ADARB2: variants seen among roughly 807,000 people sequenced by gnomAD.
ADARB2 encodes the protein inactive double-stranded RNA-specific editase B2.
In ADARB2, 25 loss-of-function variants were observed where a neutral mutation model predicts 62.2. The ratio of observed to expected loss-of-function variants is 0.40; its 90% confidence interval spans 0.29 to 0.56. The LOEUF is 0.56. Among genes scored for constraint, ADARB2 ranks in the 20% least tolerant of loss-of-function variants. ADARB2 has a pLI of 0.43. For synonymous variants in ADARB2, 572 were observed against 500.8 expected, an observed-to-expected ratio of 1.14 and a Z score of -1.90; for missense variants, 1,071 against 1,077.4, an observed-to-expected ratio of 0.99 and a Z score of 0.08.
chr10:1,643,823 C>T (rs1276226371), intron 1 of ADARB2, among the ~76,000 whole-genome samples: 2 of 152,136 alleles, frequency 1.3e-5, no homozygotes, highest in Non-Finnish European at 2.9e-5. Flanking sequence ...TCTCTAATTC[C>T]AATCCTGAGA....
intron 1 of ADARB2, among the ~76,000 whole-genome samples, chr10:1,667,485 A>C (rs759767200): frequency 3.9e-5 from 6 of 152,254 alleles, no homozygotes; most frequent in African/African-American, 1.2e-4. Context: ...AGATCATACC[A>C]GGAAGATAAA....
At chr10:1,373,272 T>C (rs1832388919) in intron 2 of ADARB2, among the ~76,000 whole-genome samples, 1 of 150,498 alleles carries the variant, frequency 6.6e-6, no homozygotes, top group Non-Finnish European at 1.5e-5. Flanking sequence ...GGTCTTTGTC[T>C]CACTGTGTCT....
intron 4 of ADARB2, among the ~76,000 whole-genome samples, chr10:1,265,751 G>T (rs1831191313): frequency 6.1e-5 from 9 of 147,676 alleles, no homozygotes; most frequent in African/African-American, 2.3e-4. Flanking sequence ...CTGAGAGGGG[G>T]GCCCAGGCTC....
chr10:1,630,087 TTA>T (rs1833823138), intron 1 of ADARB2, among the ~76,000 whole-genome samples: 1 of 152,100 alleles, frequency 6.6e-6, no homozygotes, highest in African/African-American at 2.4e-5. Context: ...TGCAGTTGAT[TTA>T]TGAGATAACC....
chr10:1,183,157 C>T lies in ADARB2; in HGVS notation c.*36G>A, dbSNP rs17156072. 1,347 of 1,601,692 alleles carry T rather than the reference C, an allele frequency of 8.4e-4. 12 individuals carry two copies. In the African/African-American group the frequency reaches 0.011, roughly 13 times the overall value. On this transcript the variant is annotated 3_prime_UTR_variant, in exon 10 of 10. Coordinates refer to ENST00000381312, the MANE Select transcript of ADARB2 (RefSeq NM_018702.4). ...CCCAGACACGGTCCCATCCCTCCAG[C>T]GTCCCGCTCAGCTCCAGCAGCCAGG... is the stretch of plus-strand genomic sequence containing the variant.
At chr10:1,525,269 T>G (rs1286859396) in intron 1 of ADARB2, among the ~76,000 whole-genome samples, 1 of 152,222 alleles carries the variant, frequency 6.6e-6, no homozygotes, top group Non-Finnish European at 1.5e-5. Context: ...ATTTCTTTCC[T>G]GGAAAACTGG....
intron 1 of ADARB2, among the ~76,000 whole-genome samples, chr10:1,655,834 C>T (rs562992340): frequency 6.6e-6 from 1 of 152,300 alleles, no homozygotes; most frequent in South Asian, 2.1e-4. Context: ...CAAAGTTAAT[C>T]TTGTGGATAT....
At chr10:1,618,838 C>T (rs1454928262) in intron 1 of ADARB2, among the ~76,000 whole-genome samples, 1 of 152,176 alleles carries the variant, frequency 6.6e-6, no homozygotes, top group East Asian at 1.9e-4. Context: ...CCACTAAAAA[C>T]AAATCACAGG....
At chr10:1,557,608 CA>C (rs1832723782) in intron 1 of ADARB2, among the ~76,000 whole-genome samples, 1 of 152,268 alleles carries the variant, frequency 6.6e-6, no homozygotes, top group African/African-American at 2.4e-5. Flanking sequence ...TTTATTTTAT[CA>C]AAAGAACTTC....
intron 1 of ADARB2, among the ~76,000 whole-genome samples, chr10:1,647,782 A>G (rs1834063644): frequency 6.7e-6 from 1 of 149,976 alleles, no homozygotes; most frequent in African/African-American, 2.4e-5. Flanking sequence ...GTGTGTGTAT[A>G]TATGTGTATG....
chr10:1,542,275 C>G (rs1338989117), intron 1 of ADARB2, among the ~76,000 whole-genome samples: 1 of 6,858 alleles, frequency 1.5e-4, no homozygotes. Context: ...TCACAGCCGC[C>G]CAGACCGCAC....
chr10:1,729,357 C>T (rs1464996033), intron 1 of ADARB2, among the ~76,000 whole-genome samples: 1 of 152,172 alleles, frequency 6.6e-6, no homozygotes, highest in Non-Finnish European at 1.5e-5. Flanking sequence ...CAGTCCTGAA[C>T]ACAGTCTAAC....
intron 1 of ADARB2, among the ~76,000 whole-genome samples, chr10:1,476,797 T>A (rs977297980): frequency 1.7e-4 from 26 of 152,086 alleles, no homozygotes; most frequent in Non-Finnish European, 1.0e-4. Flanking sequence ...CGAGGCCAGC[T>A]GGATGGAAAG....
chr10:1,348,567 A>T (rs1832104010), intron 3 of ADARB2, among the ~76,000 whole-genome samples: 1 of 152,122 alleles, frequency 6.6e-6, no homozygotes, highest in Admixed American at 6.5e-5. Context: ...CCCTCCCTGC[A>T]GCTCTGCCCC....
At chr10:1,201,305 A>G (rs1836981569) in intron 7 of ADARB2, among the ~76,000 whole-genome samples, 1 of 152,246 alleles carries the variant, frequency 6.6e-6, no homozygotes, top group Non-Finnish European at 1.5e-5. Flanking sequence ...TCTACATAAA[A>G]CTCAAATGGA....
rs988641626 is a variant in ADARB2 at position 1,351,939 on chromosome 10, T to C, written c.1077+11089A>G. Among the ~76,000 whole-genome samples, 33 of 147,756 alleles carry C rather than the reference T, an allele frequency of 2.2e-4. 1 individual carries two copies. In the South Asian group the frequency reaches 4.9e-3, roughly 22 times the overall value. On this transcript the variant is annotated intron_variant, in intron 3 of 9. Coordinates refer to ENST00000381312, the MANE Select transcript of ADARB2 (RefSeq NM_018702.4). ...GCCAAACCCATATACTCTCCTATCT[T>C]CAACACCTCCCTCCACAACCCATTA...
At chr10:1,579,502 A>T (rs1325541687) in intron 1 of ADARB2, among the ~76,000 whole-genome samples, 1 of 152,204 alleles carries the variant, frequency 6.6e-6, no homozygotes, top group Admixed American at 6.5e-5. Context: ...ACATGAGGAA[A>T]CAGGCGCTCA....
rs557129918 is a variant in ADARB2 at position 1,468,547 on chromosome 10, C to T, written c.101-89387G>A. On this transcript the variant is annotated intron_variant, in intron 1 of 9. Transcript: ENST00000381312. ...TTATTCTGGCATCGGAATCCCCCAGCGCTGCTATCCAAATTCTCTCCAACA... is the reference window on the plus strand; with the variant it reads ...TTATTCTGGCATCGGAATCCCCCAGTGCTGCTATCCAAATTCTCTCCAACA... Among the ~76,000 whole-genome samples the T allele has an allele frequency of 4.6e-5, 7 of 152,336 alleles. No individual in the cohort carries two copies. The South Asian group carries it at 6.2e-4, about 14-fold the overall frequency.
At chr10:1,665,427 C>T (rs1444104431) in intron 1 of ADARB2, among the ~76,000 whole-genome samples, 1 of 152,250 alleles carries the variant, frequency 6.6e-6, no homozygotes, top group Non-Finnish European at 1.5e-5. Context: ...ACACATCTGC[C>T]TCCACTGCCA....
Sources: allele counts gnomAD v4.1 joint callset (sites outside exome capture counted in the v4.1 genomes callset), GRCh38; gene constraint gnomAD v4.1.1; transcripts MANE v1.5; gene names NCBI Gene and HGNC (gene_info 2026-07-23, HGNC 2026-07-21).